Variants in LRP3 observed in about 807,000 individuals in gnomAD.
LRP3 encodes low-density lipoprotein receptor-related protein 3.
LRP3 carries 49 observed loss-of-function variants against 58.5 expected under a neutral mutation model. That is an observed-to-expected ratio of 0.84 (90% CI 0.67 to 1.06). The LOEUF (loss-of-function observed/expected upper bound fraction) is 1.06. Ranked by LOEUF, LRP3 falls within the 50% of genes least tolerant of loss-of-function variation. LRP3 has a pLI of 0.00. For missense variants in LRP3, 1,019 were observed against 1,134.2 expected (o/e 0.90, Z 1.46); for synonymous variants, 485 against 492.2 (o/e 0.99, Z 0.20).
chr19:33,205,936 A>G lies in LRP3; in HGVS notation c.1166A>G (p.Gln389Arg). ...SDSDGGSLGD[Q>R]GCFSEPQRCD... ...AGTGACGGGGGCAGCCTGGGCGACC[A>G]GGGCTGCTTCTCAGAGCCACAGCGC... is the stretch of plus-strand genomic sequence containing the variant. Residue 389 changes from glutamine (Q) to arginine (R), a missense_variant, in exon 5 of 7, where the codon CAG becomes CGG. This residue lies in a region of LRP3 where 592 missense variants were observed against 725.5 expected (regional missense o/e 0.82). Coordinates refer to ENST00000253193, the MANE Select transcript of LRP3 (RefSeq NM_002333.4). 1 of 1,597,174 alleles carries G rather than the reference A, an allele frequency of 6.3e-7. No individual in the cohort carries two copies. The highest frequency in any genetic ancestry group is 8.5e-7 in the Non-Finnish European group (1 of 1,171,962).
intron 2 of LRP3, among the ~76,000 whole-genome samples, chr19:33,197,153 A>G (rs12975724): frequency 0.37 from 56,620 of 152,016 alleles, 13,058 homozygotes; most frequent in African/African-American, 0.64. Flanking sequence ...AATTTATAGG[A>G]GTATGACTGA....
At chr19:33,203,211 AGTAG>A (rs1415538847) in intron 3 of LRP3, among the ~76,000 whole-genome samples, 2 of 151,764 alleles carry the variant, frequency 1.3e-5, no homozygotes, top group African/African-American at 4.8e-5. Context: ...AGCATTTGTG[AGTAG>A]GTGTGTGTGC....
chr19:33,204,668 C>T lies in LRP3; in HGVS notation c.291C>T (p.His97=). 1 of 1,608,138 alleles carries T rather than the reference C, an allele frequency of 6.2e-7. No homozygotes were observed. The highest frequency in any genetic ancestry group is 8.5e-7 in the Non-Finnish European group (1 of 1,179,864). ...GCAACTTTGACGTGGAGGAGTCCCA[C>T]CAGTGCTCCCTGGACTGGCTCCTGC... ...SFRNFDVEES[H]QCSLDWLLLG... Residue 97 remains histidine, a synonymous_variant, in exon 4 of 7, where the codon CAC becomes CAT. Coordinates refer to ENST00000253193, the MANE Select transcript of LRP3 (RefSeq NM_002333.4).
chr19:33,202,909 C>T lies in LRP3; in HGVS notation c.183C>T (p.Ala61=). 6.2e-7 allele frequency: 1 copy of T among 1,611,782 alleles called. No individual in the cohort carries two copies. Among genetic ancestry groups the T allele is most frequent in the South Asian group, 1.1e-5 (1 of 90,658 alleles). The change falls in exon 3 of 7, where the codon GCC becomes GCT. Residue 61 remains alanine, a synonymous_variant. Transcript: ENST00000253193. ...TERRGVIYSP[A]WPLNYPPGTN... The stretch of plus-strand genomic sequence containing the variant: ...GGCGTGGGGTCATCTACAGCCCGGC[C>T]TGGCCCCTCAACTACCCGCCAGGCA...
At chr19:33,205,208 G>T in intron 4 of LRP3, 38 bp from the exon 5 acceptor site, 1 of 1,587,270 alleles carries the variant, frequency 6.3e-7, no homozygotes, top group Non-Finnish European at 8.6e-7. Flanking sequence ...AGGCTCTTCT[G>T]TCTCCTGACT....
chr19:33,202,765 T>G, intron 2 of LRP3, 83 bp from the exon 3 acceptor site: 2 of 1,442,100 alleles, frequency 1.4e-6, no homozygotes, highest in Non-Finnish European at 1.9e-6. Flanking sequence ...GGGGGAGGCC[T>G]GTGCTGAAGC....
chr19:33,201,954 T>C (rs1974345859), intron 2 of LRP3, among the ~76,000 whole-genome samples: 1 of 152,194 alleles, frequency 6.6e-6, no homozygotes, highest in South Asian at 2.1e-4. Context: ...GGCGTGATGC[T>C]TTGCTCAACC....
At position 33,206,309 on chromosome 19, in the gene LRP3, C is replaced by T. The variant is rs1394774803; in HGVS notation, c.1539C>T (p.Val513=). The T allele has an allele frequency of 6.3e-6, 10 of 1,598,240 alleles. No homozygotes were observed. The South Asian group carries it at 7.7e-5, about 12-fold the overall frequency. Residue 513 remains valine, a synonymous_variant, in exon 5 of 7, where the codon GTC becomes GTT. Transcript: ENST00000253193. ...IGSLVCGLLL[V]IALGCAFKLY... is the part of the protein sequence containing the mutation. The stretch of plus-strand genomic sequence containing the variant: ...GCCTGGTGTGTGGCCTGCTGCTGGT[C>T]ATCGCGCTGGGCTGCGCCTTCAAGC...
At chr19:33,206,468 G>A in intron 5 of LRP3, 106 bp downstream of exon 5, 1 of 1,594,674 alleles carries the variant, frequency 6.3e-7, no homozygotes, top group Non-Finnish European at 8.5e-7. Flanking sequence ...GCTACATGGA[G>A]GCTGCCCTGG....
chr19:33,207,537 C>T lies in LRP3; in HGVS notation c.2275C>T (p.Leu759=). The T allele has an allele frequency of 6.2e-7, 1 of 1,605,892 alleles. No homozygotes were observed. Among genetic ancestry groups the T allele is most frequent in the Non-Finnish European group, 8.5e-7 (1 of 1,179,582 alleles). The change falls in exon 7 of 7, where the codon CTG becomes TTG. Residue 759 remains leucine, a synonymous_variant. Transcript: ENST00000253193. ...RNPPPPCSPM[L]EASDDEALLV... ...CCCCCCGCCCCCCTGCTCCCCAATGCTGGAGGCCAGCGATGATGAGGCCCT... is the reference window on the plus strand; with the variant it reads ...CCCCCCGCCCCCCTGCTCCCCAATGTTGGAGGCCAGCGATGATGAGGCCCT...
intron 3 of LRP3, among the ~76,000 whole-genome samples, chr19:33,203,205 T>C (rs975457389): frequency 6.6e-6 from 1 of 151,878 alleles, no homozygotes; most frequent in Admixed American, 6.6e-5. Context: ...TGTGTGAGCA[T>C]TTGTGAGTAG....
Position 33,205,631 on chromosome 19 carries a change from C to T in LRP3, c.861C>T (p.Asp287=). ...ACCTTCACTGCACGTGGCTGGTGGA[C>T]ACACAGGACTCCCGGCGGGTGCTGC... ...PSDLHCTWLV[D]TQDSRRVLLQ... is the part of the protein sequence containing the mutation. The change falls in exon 5 of 7, where the codon GAC becomes GAT. Residue 287 remains aspartate, a synonymous_variant. Coordinates refer to ENST00000253193, the MANE Select transcript of LRP3 (RefSeq NM_002333.4). 6.2e-7 allele frequency: 1 copy of T among 1,611,350 alleles called. No homozygotes were observed. The highest frequency in any genetic ancestry group is 2.2e-5 in the East Asian group (1 of 44,840).
At position 33,205,277 on chromosome 19, in the gene LRP3, T is replaced by A. The variant is rs1300269464; in HGVS notation, c.507T>A (p.Asp169Glu). 4.3e-6 allele frequency: 7 copies of A among 1,610,196 alleles called. No homozygotes were observed. In the South Asian group the frequency reaches 6.6e-5, roughly 15 times the overall value. ...TGGGCCAGGCATCCTGCCAGGCAGA[T>A]GAGTTCCGCTGTGACAACGGCAAGT... Reference protein sequence around the residue: ...GKLGQASCQADEFRCDNGKCL... With the variant: ...GKLGQASCQAEEFRCDNGKCL... Residue 169 changes from aspartate to glutamate, a missense_variant, in exon 5 of 7, where the codon GAT becomes GAA. By Grantham distance (45) the Asp-to-Glu change is conservative. Coordinates refer to ENST00000253193, the MANE Select transcript of LRP3 (RefSeq NM_002333.4).
At chr19:33,197,369 G>A (rs967810813) in intron 2 of LRP3, among the ~76,000 whole-genome samples, 3 of 152,200 alleles carry the variant, frequency 2.0e-5, no homozygotes, top group African/African-American at 7.2e-5. Flanking sequence ...GCTCACGCCT[G>A]TGATCCCAGC....
chr19:33,195,688 G>A (rs1007870132), intron 1 of LRP3, among the ~76,000 whole-genome samples: 1 of 152,208 alleles, frequency 6.6e-6, no homozygotes, highest in Non-Finnish European at 1.5e-5. Flanking sequence ...AGGGAGCTCC[G>A]AGGCTCTGGC....
At chr19:33,196,238 G>A (rs747176415) in intron 1 of LRP3, among the ~76,000 whole-genome samples, 4 of 152,112 alleles carry the variant, frequency 2.6e-5, no homozygotes, top group Non-Finnish European at 5.9e-5. Flanking sequence ...AAGCCCCTTG[G>A]TAGGGGGAAG....
rs541308132 is a variant in LRP3, at chr19:33,203,420, T to A, written c.260+434T>A. On this transcript the variant is annotated intron_variant, in intron 3 of 6. Coordinates refer to ENST00000253193, the MANE Select transcript of LRP3 (RefSeq NM_002333.4). ...TAAAGGACACATGTGAGAGACTGCA[T>A]GTGTGAGCACATGTATGTGCACGAG... Among the ~76,000 whole-genome samples, 7 of 152,294 alleles carry A rather than the reference T, an allele frequency of 4.6e-5. No homozygotes were observed. In the South Asian group the frequency reaches 1.5e-3, roughly 32 times the overall value.
chr19:33,204,971 G>A, intron 4 of LRP3, 119 bp downstream of exon 4: 1 of 949,792 alleles, frequency 1.1e-6, no homozygotes, highest in Non-Finnish European at 1.6e-6. Flanking sequence ...GATGTCCCCT[G>A]ACCGCCCTGT....
intron 2 of LRP3, among the ~76,000 whole-genome samples, chr19:33,198,350 T>C (rs542166444): frequency 3.5e-4 from 53 of 152,292 alleles, no homozygotes; most frequent in Admixed American, 2.4e-3. Context: ...TGTTCACCCC[T>C]GGTGCCCTCT....
Sources: gnomAD v4.1 joint callset for allele counts (sites outside exome capture counted in the v4.1 genomes callset) on GRCh38, gnomAD v4.1.1 for gene constraint, gnomAD v4.1.1 regional missense constraint, MANE v1.5 for transcripts, NCBI Gene and HGNC (gene_info 2026-07-23, HGNC 2026-07-21) for gene names.